The following CHL1 variants were observed in gnomAD, a reference collection of about 807,000 sequenced individuals.
CHL1 encodes the protein neural cell adhesion molecule L1-like protein.
Under a neutral mutation model 141.9 loss-of-function variants are expected in CHL1, and 96 were observed. The observed-to-expected ratio is 0.68, with a 90% CI of 0.57 to 0.80. CHL1 has a LOEUF of 0.80. Ranked by LOEUF, CHL1 falls within the 30% of genes least tolerant of loss-of-function variation. The pLI is 0.00. For synonymous variants in CHL1, 613 were observed against 502.2 expected (o/e 1.22, Z -2.95); for missense variants, 1,820 against 1,457.2 (o/e 1.25, Z -4.05).
At chr3:375,406 T>C (rs1331590424) in intron 15 of CHL1, among the ~76,000 whole-genome samples, 2 of 151,912 alleles carry the variant, frequency 1.3e-5, no homozygotes, top group African/African-American at 4.8e-5. Flanking sequence ...GGGTTTTTCC[T>C]TGGCACCAAA....
At chr3:399,941 C>G (rs1708987965) in intron 26 of CHL1, among the ~76,000 whole-genome samples, 1 of 152,172 alleles carries the variant, frequency 6.6e-6, no homozygotes. Flanking sequence ...CACACTGCCT[C>G]TTGAATTAAT....
chr3:256,071 C>A (rs1258093766), intron 2 of CHL1, among the ~76,000 whole-genome samples: 2 of 132,602 alleles, frequency 1.5e-5, no homozygotes, highest in African/African-American at 5.4e-5. Flanking sequence ...ATCAATAATG[C>A]CTTTAGTTCC....
chr3:274,477 T>C (rs1695911442), intron 2 of CHL1, among the ~76,000 whole-genome samples: 1 of 152,250 alleles, frequency 6.6e-6, no homozygotes, highest in African/African-American at 2.4e-5. Context: ...ATATACCCAC[T>C]GTTCAGATTA....
chr3:277,611 T>C (rs1178306954), intron 2 of CHL1, among the ~76,000 whole-genome samples: 1 of 152,212 alleles, frequency 6.6e-6, no homozygotes, highest in African/African-American at 2.4e-5. Flanking sequence ...TACCTTATAC[T>C]GGAAAAAAAT....
intron 2 of CHL1, among the ~76,000 whole-genome samples, chr3:268,031 T>G (rs1459066068): frequency 6.6e-6 from 1 of 152,224 alleles, no homozygotes; most frequent in Non-Finnish European, 1.5e-5. Context: ...TTTATTTACT[T>G]CACATTTGTT....
At chr3:215,698 G>C (rs1466466522) in intron 1 of CHL1, among the ~76,000 whole-genome samples, 1 of 151,966 alleles carries the variant, frequency 6.6e-6, no homozygotes, top group South Asian at 2.1e-4. Context: ...AAATTGTCAT[G>C]GGTTTGCTCT....
In CHL1 at chr3:354,620, G is replaced by A; in HGVS notation, c.1034-20G>A. The A allele has an allele frequency of 6.2e-7, 1 of 1,602,608 alleles. No individual in the cohort carries two copies. The highest frequency in any genetic ancestry group is 8.5e-7 in the Non-Finnish European group (1 of 1,175,568). ...TTGACATAGATAACATCTCTCATGAGCTCTTCACTTTACATCCAGAGCCTC... is the reference window on the plus strand; with the variant it reads ...TTGACATAGATAACATCTCTCATGAACTCTTCACTTTACATCCAGAGCCTC... On this transcript the variant is annotated intron_variant, in intron 10 of 27. Transcript: ENST00000256509.
At chr3:226,813 CT>C (rs1399151828) in intron 1 of CHL1, among the ~76,000 whole-genome samples, 3 of 152,104 alleles carry the variant, frequency 2.0e-5, no homozygotes, top group Non-Finnish European at 2.9e-5. Flanking sequence ...AAAATGTTGC[CT>C]TTCTTCTCAA....
intron 2 of CHL1, chr3:247,698 C>T (rs79438417): frequency 0.048 from 7,288 of 152,084 alleles, 552 homozygotes; most frequent in African/African-American, 0.17. Context: ...TTAATGTTGC[C>T]TTAACTATCA....
chr3:299,509 A>T (rs139675074), intron 2 of CHL1, among the ~76,000 whole-genome samples: 1 of 152,216 alleles, frequency 6.6e-6, no homozygotes, highest in African/African-American at 2.4e-5. Flanking sequence ...GATAATAAAA[A>T]TAGCTACCAA....
At position 377,955 on chromosome 3, in the gene CHL1, A is replaced by G. The variant is rs1327313128; in HGVS notation, c.1876+13A>G. The G allele has an allele frequency of 5.1e-6, 8 of 1,574,134 alleles. No individual in the cohort carries two copies. Among genetic ancestry groups the G allele is most frequent in the Non-Finnish European group, 6.8e-6 (8 of 1,170,420 alleles). On this transcript the variant is annotated intron_variant, in intron 16 of 27. Transcript: ENST00000256509. ...GTAACTGTTCTTGGTAAGTGCACTA[A>G]CTAATGAGAAATCTGTTCATTTCTT...
intron 27 of CHL1, among the ~76,000 whole-genome samples, chr3:402,636 A>G (rs1279549990): frequency 1.3e-5 from 2 of 152,202 alleles, no homozygotes; most frequent in Non-Finnish European, 2.9e-5. Context: ...AGGGATATGG[A>G]GTATTTTCAT....
In CHL1 at chr3:368,206, T is replaced by A. The variant is rs182961430; in HGVS notation, c.1751+2091T>A. Among the ~76,000 whole-genome samples the A allele has an allele frequency of 4.3e-3, 653 of 152,330 alleles. 2 individuals are homozygous for A. The highest frequency in any genetic ancestry group is 6.7e-3 in the Non-Finnish European group (456 of 68,034). Reference sequence around the variant, plus strand: ...CCACAACGGTTGAACTAATTTACATTCCCACCAACAGTGTAAAAGTGTTCC... The same window carrying A: ...CCACAACGGTTGAACTAATTTACATACCCACCAACAGTGTAAAAGTGTTCC... On this transcript the variant is annotated intron_variant, in intron 15 of 27. Coordinates refer to ENST00000256509, the MANE Select transcript of CHL1 (RefSeq NM_006614.4).
chr3:288,062 C>G (rs1321220655), intron 2 of CHL1, among the ~76,000 whole-genome samples: 3 of 152,224 alleles, frequency 2.0e-5, no homozygotes, highest in Non-Finnish European at 4.4e-5. Context: ...GCCACTATGA[C>G]CCGCCTTCAC....
At chr3:216,371 A>G (rs947555631) in intron 1 of CHL1, among the ~76,000 whole-genome samples, 2 of 152,208 alleles carry the variant, frequency 1.3e-5, no homozygotes, top group Non-Finnish European at 2.9e-5. Context: ...GTGACAATTG[A>G]AAAAGTCTCT....
At chr3:215,471 G>T (rs1174345310) in intron 1 of CHL1, among the ~76,000 whole-genome samples, 1 of 152,144 alleles carries the variant, frequency 6.6e-6, no homozygotes, top group Non-Finnish European at 1.5e-5. Flanking sequence ...GGAGAAATAA[G>T]TTCTGGTGTT....
chr3:334,252 G>C (rs537983767), intron 5 of CHL1, among the ~76,000 whole-genome samples: 18 of 152,032 alleles, frequency 1.2e-4, no homozygotes, highest in African/African-American at 3.4e-4. Flanking sequence ...GCCCACACTG[G>C]TCTTAAACTC....
chr3:254,663 G>T (rs917639048), intron 2 of CHL1, among the ~76,000 whole-genome samples: 1 of 152,170 alleles, frequency 6.6e-6, no homozygotes, highest in East Asian at 1.9e-4. Flanking sequence ...AGTTCTGGAG[G>T]TTGGAAAGTC....
At chr3:202,296 AAGAT>A (rs1208598779) in intron 1 of CHL1, among the ~76,000 whole-genome samples, 1 of 152,184 alleles carries the variant, frequency 6.6e-6, no homozygotes, top group Non-Finnish European at 1.5e-5. Flanking sequence ...TGAATGAACA[AAGAT>A]AGAGGGACAG....
Sources: gnomAD v4.1 joint callset for allele counts (sites outside exome capture counted in the v4.1 genomes callset) on GRCh38, gnomAD v4.1.1 for gene constraint, MANE v1.5 for transcripts, NCBI Gene and HGNC (gene_info 2026-07-23, HGNC 2026-07-21) for gene names.